Variants in STARD13 observed in about 807,000 individuals in gnomAD.
The protein encoded by STARD13 is StAR related lipid transfer domain containing 13.
A neutral mutation model predicts 106.4 loss-of-function variants in STARD13; 62 were observed. The observed-to-expected ratio is 0.58, with a 90% CI of 0.48 to 0.72. STARD13 has a LOEUF of 0.72. Among genes scored for constraint, STARD13 ranks in the 30% least tolerant of loss-of-function variants. The pLI is 0.00. For synonymous variants in STARD13, 565 were observed against 553.0 expected, an observed-to-expected ratio of 1.02 and a Z score of -0.31; for missense variants, 1,387 against 1,424.0, an observed-to-expected ratio of 0.97 and a Z score of 0.42.
the STARD13 span, among the ~76,000 whole-genome samples, chr13:33,511,855 G>A: frequency 6.6e-6 from 1 of 152,066 alleles, no homozygotes; most frequent in African/African-American, 2.4e-5. Context: ...TAATTACCTA[G>A]CTCTTTATAC....
At chr13:33,150,572 C>G (rs1193545590) in intron 3 of STARD13, among the ~76,000 whole-genome samples, 1 of 152,128 alleles carries the variant, frequency 6.6e-6, no homozygotes, top group Non-Finnish European at 1.5e-5. Flanking sequence ...TGTCATGTAC[C>G]CAGCACAGGC....
chr13:33,437,711 T>TTCC, the STARD13 span, among the ~76,000 whole-genome samples: 1 of 152,242 alleles, frequency 6.6e-6, no homozygotes, highest in Admixed American at 6.5e-5. Context: ...AAATTGGAAT[T>TTCC]AGGCTTCTAT....
chr13:33,260,368 T>G (rs1890580906), intron 1 of STARD13, among the ~76,000 whole-genome samples: 1 of 152,262 alleles, frequency 6.6e-6, no homozygotes, highest in East Asian at 1.9e-4. Flanking sequence ...CTGTGCTCGC[T>G]GCAGCTCACA....
At chr13:33,465,201 C>CTTTTTTTTTT in the STARD13 span, among the ~76,000 whole-genome samples, 3 of 60,644 alleles carry the variant, frequency 4.9e-5, no homozygotes, top group African/African-American at 1.5e-4. Flanking sequence ...TGGTCTTCTT[C>CTTTTTTTTTT]TTTTTTTTTT....
At chr13:33,646,116 G>A in the STARD13 span, among the ~76,000 whole-genome samples, 1 of 152,146 alleles carries the variant, frequency 6.6e-6, no homozygotes, top group African/African-American at 2.4e-5. Context: ...AGTAAAACCT[G>A]TAATGACTGC....
chr13:33,448,904 T>TCAGGC, the STARD13 span, among the ~76,000 whole-genome samples: 2 of 152,266 alleles, frequency 1.3e-5, no homozygotes, highest in East Asian at 3.9e-4. Context: ...AAATGTAAAG[T>TCAGGC]CAGGCCTTTT....
chr13:33,633,318 A>G, the STARD13 span, among the ~76,000 whole-genome samples: 1 of 152,224 alleles, frequency 6.6e-6, no homozygotes, highest in Non-Finnish European at 1.5e-5. Flanking sequence ...AGAGCCTCAT[A>G]TTAGATTCTT....
At chr13:33,522,631 C>T in the STARD13 span, among the ~76,000 whole-genome samples, 1 of 152,112 alleles carries the variant, frequency 6.6e-6, no homozygotes, top group Non-Finnish European at 1.5e-5. Flanking sequence ...TGAAGTCATA[C>T]AGTATGTAGC....
intron 1 of STARD13, among the ~76,000 whole-genome samples, chr13:33,259,235 G>C (rs189634189): frequency 6.6e-6 from 1 of 152,318 alleles, no homozygotes; most frequent in Admixed American, 6.5e-5. Flanking sequence ...GAATGGATGA[G>C]AAAAATTATC....
chr13:33,370,014 A>G, the STARD13 span, among the ~76,000 whole-genome samples: 2 of 152,238 alleles, frequency 1.3e-5, no homozygotes, highest in Admixed American at 1.3e-4. Context: ...CATGGCCTTT[A>G]TCCTAGATGT....
intron 1 of STARD13, among the ~76,000 whole-genome samples, chr13:33,188,992 A>G (rs1462577552): frequency 6.6e-6 from 1 of 152,182 alleles, no homozygotes; most frequent in Non-Finnish European, 1.5e-5. Context: ...ACTAATTGTT[A>G]TTGCTTATTA....
chr13:33,206,421 A>C (rs1026642471), intron 1 of STARD13, among the ~76,000 whole-genome samples: 1 of 152,072 alleles, frequency 6.6e-6, no homozygotes, highest in Non-Finnish European at 1.5e-5. Context: ...TAATCTGTTA[A>C]TACTGTGCAA....
chr13:33,274,732 G>A (rs966725748), intron 1 of STARD13, among the ~76,000 whole-genome samples: 1 of 152,128 alleles, frequency 6.6e-6, no homozygotes, highest in African/African-American at 2.4e-5. Context: ...GCCTCCTGCT[G>A]CCATCACTGG....
chr13:33,578,014 A>G, the STARD13 span, among the ~76,000 whole-genome samples: 2 of 152,180 alleles, frequency 1.3e-5, no homozygotes, highest in Non-Finnish European at 2.9e-5. Context: ...GACACAAACA[A>G]ATGGAAATAC....
chr13:33,527,280 A>G, the STARD13 span, among the ~76,000 whole-genome samples: 1 of 151,968 alleles, frequency 6.6e-6, no homozygotes, highest in Non-Finnish European at 1.5e-5. Context: ...TACTCAAACA[A>G]TACCTCTTCC....
chr13:33,500,608 T>C, the STARD13 span, among the ~76,000 whole-genome samples: 9 of 152,312 alleles, frequency 5.9e-5, no homozygotes, highest in African/African-American at 2.2e-4. Context: ...GCTCTTTGGG[T>C]TGTTATTTCT....
At chr13:33,451,660 A>C in the STARD13 span, among the ~76,000 whole-genome samples, 1 of 152,212 alleles carries the variant, frequency 6.6e-6, no homozygotes, top group African/African-American at 2.4e-5. Context: ...AGGAATGTGG[A>C]ATATCAATGA....
chr13:33,293,139 G>A (rs1892355735), intron 1 of STARD13, among the ~76,000 whole-genome samples: 1 of 152,136 alleles, frequency 6.6e-6, no homozygotes, highest in Admixed American at 6.5e-5. Context: ...TCTAAGTGAA[G>A]GCAGTATCCC....
chr13:33,441,639 C>T, the STARD13 span, among the ~76,000 whole-genome samples: 1 of 152,148 alleles, frequency 6.6e-6, no homozygotes, highest in African/African-American at 2.4e-5. Flanking sequence ...AAAACAGATG[C>T]TTACGATTAT....
Sources: gnomAD v4.1 joint callset for allele counts (sites outside exome capture counted in the v4.1 genomes callset) on GRCh38, gnomAD v4.1.1 for gene constraint, MANE v1.5 for transcripts, NCBI Gene and HGNC (gene_info 2026-07-23, HGNC 2026-07-21) for gene names.